The following RYR2 variants were observed in gnomAD, a reference collection of about 807,000 sequenced individuals.
The protein encoded by RYR2 is ryanodine receptor 2.
In RYR2, 227 loss-of-function variants were observed where a neutral mutation model predicts 601.1. The ratio of observed to expected loss-of-function variants is 0.38; its 90% CI spans 0.34 to 0.42. The LOEUF (loss-of-function observed/expected upper bound fraction) is 0.42. Ranked by LOEUF, RYR2 falls within the 10% of genes least tolerant of loss-of-function variation. The pLI is 1.00. For synonymous variants in RYR2, 2,223 were observed against 2,175.1 expected, an observed-to-expected ratio of 1.02 and a Z score of -0.61; for missense variants, 4,646 against 6,156.5, an observed-to-expected ratio of 0.75 and a Z score of 8.21.
chr1:237,828,910 G>A (rs774578384), intron 102 of RYR2, among the ~76,000 whole-genome samples: 1 of 152,020 alleles, frequency 6.6e-6, no homozygotes, highest in Non-Finnish European at 1.5e-5. Flanking sequence ...GAGAGAGGAG[G>A]ACAGTTTGGG....
chr1:237,554,310 G>A (rs75759545), intron 27 of RYR2, among the ~76,000 whole-genome samples: 4,516 of 151,916 alleles, frequency 0.03, 169 homozygotes, highest in African/African-American at 0.091. Flanking sequence ...ATTTTCAAAT[G>A]TTAAACCAAC....
chr1:237,356,800 A>G (rs1212042767), intron 4 of RYR2, among the ~76,000 whole-genome samples: 1 of 152,172 alleles, frequency 6.6e-6, no homozygotes, highest in Admixed American at 6.5e-5. Context: ...TCTCCTCAAG[A>G]CTGATATTCC....
chr1:237,641,485 C>CTTTCTTTCTTTCTT (rs766870228), intron 47 of RYR2, among the ~76,000 whole-genome samples: 6,863 of 72,180 alleles, frequency 0.095, 257 homozygotes, highest in South Asian at 0.15. Context: ...TTCTTTCTTT[C>CTTTCTTTCTTTCTT]TTTCTTTCTT....
intron 10 of RYR2, among the ~76,000 whole-genome samples, chr1:237,392,823 T>TA (rs899651780): frequency 6.6e-6 from 1 of 152,180 alleles, no homozygotes; most frequent in African/African-American, 2.4e-5. Flanking sequence ...TTATTTATGT[T>TA]AAAAACAGGT....
intron 1 of RYR2, among the ~76,000 whole-genome samples, chr1:237,109,883 C>T (rs901164245): frequency 1.2e-4 from 19 of 152,118 alleles, no homozygotes; most frequent in African/African-American, 3.1e-4. Context: ...GTTCACTGAG[C>T]GTATGACCTG....
chr1:237,050,758 T>G (rs1452268665), intron 1 of RYR2, among the ~76,000 whole-genome samples: 4 of 152,296 alleles, frequency 2.6e-5, no homozygotes, highest in African/African-American at 9.6e-5. Context: ...AATGATATCC[T>G]TAGTCTTGAG....
rs532746053 is a variant in RYR2 at position 237,710,624 on chromosome 1, G to A, written c.10230+1057G>A. Among the ~76,000 whole-genome samples, 137 of 151,554 alleles carry A rather than the reference G, an allele frequency of 9.0e-4. 1 individual carries two copies. The highest frequency in any genetic ancestry group is 3.0e-3 in the African/African-American group (125 of 41,228). On this transcript the variant is annotated intron_variant, in intron 70 of 104. Transcript: ENST00000366574. ...TTATCCTGTGTAACTCATGTTTGGG[G>A]GATGCAATAGATCATCCAAGGTATT...
At chr1:237,414,578 G>C (rs910662676) in intron 10 of RYR2, among the ~76,000 whole-genome samples, 2 of 151,912 alleles carry the variant, frequency 1.3e-5, no homozygotes, top group Non-Finnish European at 2.9e-5. Context: ...ATATTTATGG[G>C]GTACAATATG....
intron 10 of RYR2, among the ~76,000 whole-genome samples, chr1:237,396,090 T>A (rs1010253822): frequency 6.6e-6 from 1 of 152,224 alleles, no homozygotes; most frequent in African/African-American, 2.4e-5. Context: ...TAAGTTTGGT[T>A]AAGGATGGCT....
intron 100 of RYR2, among the ~76,000 whole-genome samples, chr1:237,812,111 C>G (rs1464123742): frequency 6.6e-6 from 1 of 152,136 alleles, no homozygotes; most frequent in African/African-American, 2.4e-5. Flanking sequence ...CAGGTTGGCA[C>G]TGCTATCATT....
chr1:237,802,961 C>A (rs1660148656), intron 98 of RYR2, among the ~76,000 whole-genome samples: 1 of 152,212 alleles, frequency 6.6e-6, no homozygotes, highest in Non-Finnish European at 1.5e-5. Context: ...CTTTTATCCA[C>A]CTGCAGTTTC....
intron 12 of RYR2, among the ~76,000 whole-genome samples, chr1:237,434,973 G>C (rs138765541): frequency 6.6e-6 from 1 of 151,842 alleles, no homozygotes; most frequent in South Asian, 2.1e-4. Flanking sequence ...ACGGGGTTTC[G>C]CCATGTTGCC....
At chr1:237,688,287 A>C (rs1337674886) in intron 63 of RYR2, among the ~76,000 whole-genome samples, 3 of 152,182 alleles carry the variant, frequency 2.0e-5, no homozygotes, top group Admixed American at 2.0e-4. Context: ...TTTAGTAATA[A>C]AACATTGAAT....
chr1:237,553,748 T>C (rs1559017421), intron 27 of RYR2, among the ~76,000 whole-genome samples: 1 of 40,328 alleles, frequency 2.5e-5, no homozygotes, highest in Non-Finnish European at 7.7e-5. Flanking sequence ...CTAGAGGTCT[T>C]ATACATTATT....
chr1:237,681,136 A>G (rs1425785749), intron 62 of RYR2, among the ~76,000 whole-genome samples: 1 of 152,202 alleles, frequency 6.6e-6, no homozygotes, highest in Non-Finnish European at 1.5e-5. Flanking sequence ...AGGTCCTTTT[A>G]CTCAAACTTC....
intron 19 of RYR2, among the ~76,000 whole-genome samples, chr1:237,495,010 CGA>C (rs1663899916): frequency 6.6e-6 from 1 of 152,040 alleles, no homozygotes; most frequent in African/African-American, 2.4e-5. Flanking sequence ...AGCCTGGTCT[CGA>C]ACTCCTGACC....
chr1:237,764,442 A>G (rs1441764271), intron 84 of RYR2, among the ~76,000 whole-genome samples: 1 of 27,192 alleles, frequency 3.7e-5, no homozygotes, highest in East Asian at 8.7e-4. Flanking sequence ...CCCTTGACTT[A>G]CTGTTTGTTT....
intron 98 of RYR2, 55 bp from the exon 99 acceptor site, chr1:237,806,082 A>G (rs1660603085): frequency 6.6e-7 from 1 of 1,521,274 alleles, no homozygotes. Flanking sequence ...ACCCATAACA[A>G]TAGTCATGCG....
chr1:237,194,393 G>A (rs1045549084), intron 1 of RYR2, among the ~76,000 whole-genome samples: 1 of 152,142 alleles, frequency 6.6e-6, no homozygotes, highest in Non-Finnish European at 1.5e-5. Context: ...GAGAAACAGC[G>A]GCAAGGAGCT....
Sources: allele counts gnomAD v4.1 joint callset (sites outside exome capture counted in the v4.1 genomes callset), GRCh38; gene constraint gnomAD v4.1.1; transcripts MANE v1.5; gene names NCBI Gene and HGNC (gene_info 2026-07-23, HGNC 2026-07-21).